Variants in SEL1L3 observed in about 807,000 individuals in gnomAD.
SEL1L3 encodes protein sel-1 homolog 3.
A neutral mutation model predicts 142.8 loss-of-function variants in SEL1L3; 76 were observed. The observed-to-expected ratio is 0.53, with a 90% CI of 0.44 to 0.64. The LOEUF is 0.64. Ranked by LOEUF, SEL1L3 falls within the 30% of genes least tolerant of loss-of-function variation. The probability of loss-of-function intolerance (pLI) is 0.00; values close to 1 mark genes in which losing one functional copy is unlikely to be tolerated. For synonymous variants in SEL1L3, 504 were observed against 519.6 expected, an observed-to-expected ratio of 0.97 and a Z score of 0.41; for missense variants, 1,262 against 1,381.7, an observed-to-expected ratio of 0.91 and a Z score of 1.37.
At chr4:25,760,099 T>C (rs568912471) in intron 20 of SEL1L3, 2 of 152,254 alleles carry the variant, frequency 1.3e-5, no homozygotes, top group African/African-American at 4.8e-5. Flanking sequence ...CCCTTAGGTG[T>C]AGTGTCTGTT....
intron 9 of SEL1L3, among the ~76,000 whole-genome samples, chr4:25,806,343 T>G (rs1324584287): frequency 3.4e-5 from 5 of 148,686 alleles, no homozygotes; most frequent in Non-Finnish European, 7.4e-5. Flanking sequence ...GGCAAAATGT[T>G]TTTTTTTTTA....
chr4:25,851,265 C>T (rs1331086453), intron 1 of SEL1L3, among the ~76,000 whole-genome samples: 1 of 152,166 alleles, frequency 6.6e-6, no homozygotes, highest in Non-Finnish European at 1.5e-5. Context: ...AACAATCAAT[C>T]ATTACAACAA....
At position 25,764,543 on chromosome 4, in the gene SEL1L3, C is replaced by G. The variant is rs1220880019; in HGVS notation, c.2955+783G>C. Among the ~76,000 whole-genome samples, 4 of 152,278 alleles carry G rather than the reference C, an allele frequency of 2.6e-5. No individual in the cohort carries two copies. The East Asian group carries it at 7.7e-4, about 29-fold the overall frequency. On this transcript the variant is annotated intron_variant, in intron 20 of 23. Transcript: ENST00000399878. The stretch of plus-strand genomic sequence containing the variant: ...AATAAGAAGTTTCCAAAAAAAATCA[C>G]TGAGGGAAAAACTCTGTCGCTTAAG...
At chr4:25,753,984 CATAAATAAATAAATAA>C (rs35245204) in intron 23 of SEL1L3, among the ~76,000 whole-genome samples, 38 of 143,426 alleles carry the variant, frequency 2.6e-4, no homozygotes, top group Non-Finnish European at 1.2e-4. Context: ...TCCGTCTCAA[CATAAATAAATAAATAA>C]ATAAATAAAT....
At chr4:25,825,823 C>T (rs374870431) in intron 6 of SEL1L3, among the ~76,000 whole-genome samples, 93 of 151,808 alleles carry the variant, frequency 6.1e-4, no homozygotes, top group African/African-American at 1.9e-3. Flanking sequence ...TACAGGCATG[C>T]GCCACCACGC....
chr4:25,856,376 A>G (rs1464948401), intron 1 of SEL1L3, among the ~76,000 whole-genome samples: 1 of 152,144 alleles, frequency 6.6e-6, no homozygotes, highest in African/African-American at 2.4e-5. Context: ...GTGCCCCTCA[A>G]ATTATGTGGT....
chr4:25,846,858 G>A (rs763976459), intron 2 of SEL1L3, among the ~76,000 whole-genome samples: 27 of 137,152 alleles, frequency 2.0e-4, no homozygotes, highest in Non-Finnish European at 3.8e-4. Context: ...GCAGTGAGCC[G>A]AGTGAGATCT....
rs200891515 is a variant in SEL1L3, at chr4:25,788,360, C to T, written c.2081G>A (p.Arg694Gln). 1.9e-4 allele frequency: 299 copies of T among 1,613,624 alleles called. No individual in the cohort carries two copies. Among genetic ancestry groups the T allele is most frequent in the Non-Finnish European group, 2.3e-4 (277 of 1,179,834 alleles). Residue 694 changes from arginine (R) to glutamine (Q), a missense_variant, in exon 13 of 24, where the codon CGA becomes CAA. Coordinates refer to ENST00000399878, the MANE Select transcript of SEL1L3 (RefSeq NM_015187.5). This position sits in a 1 kb window ranked among gnomAD's most constrained non-coding sequence, Gnocchi z 5.3. ...ATRGNAAAQQ[R>Q]LAQMLFWGQQ... is the part of the protein sequence containing the mutation. The stretch of plus-strand genomic sequence containing the variant: ...CCCCCAGAACAGCATCTGGGCCAAT[C>T]GTTGCTTAAAGATAATAGCAATTTA...
chr4:25,863,396 C>A, upstream of SEL1L3: 1 of 695,840 alleles, frequency 1.4e-6, no homozygotes. Flanking sequence ...CCCTTCCCAT[C>A]CTCTTCCTCG....
At chr4:25,784,389 C>G in intron 13 of SEL1L3, 99 bp from the exon 14 acceptor site, 1 of 937,304 alleles carries the variant, frequency 1.1e-6, no homozygotes, top group Non-Finnish European at 1.7e-6. Flanking sequence ...AAAAATAAAA[C>G]CCTAACTTTC....
At chr4:25,737,971 C>T in the SEL1L3 span, among the ~76,000 whole-genome samples, 1 of 152,018 alleles carries the variant, frequency 6.6e-6, no homozygotes, top group Non-Finnish European at 1.5e-5. Flanking sequence ...CTGACTGTAG[C>T]CTCCCTCTCC....
At chr4:25,714,732 G>A in the SEL1L3 span, among the ~76,000 whole-genome samples, 2 of 151,390 alleles carry the variant, frequency 1.3e-5, no homozygotes, top group African/African-American at 2.4e-5. Context: ...CACCATGCCC[G>A]GCTAATTTTT....
chr4:25,862,464 G>C (rs2109335044), intron 1 of SEL1L3, among the ~76,000 whole-genome samples: 1 of 152,298 alleles, frequency 6.6e-6, no homozygotes, highest in South Asian at 2.1e-4. Context: ...GCACGAGCGA[G>C]AGAGCAGCTT....
rs1345915093 is a variant in SEL1L3 at position 25,788,741 on chromosome 4, C to T, written c.2077-377G>A. Among the ~76,000 whole-genome samples the T allele has an allele frequency of 6.6e-6, 1 of 152,136 alleles. No homozygotes were observed. The highest frequency in any genetic ancestry group is 1.9e-4 in the East Asian group (1 of 5,192). On this transcript the variant is annotated intron_variant, in intron 12 of 23. Transcript: ENST00000399878. The surrounding 1 kb of genome is among the most constrained non-coding windows in gnomAD (Gnocchi z 5.3). Reference sequence around the variant, plus strand: ...GGCCCAGCGATTGGCATGGAGGTCTCTGCACATCTGTATCATTAGGGCATC... The same window carrying T: ...GGCCCAGCGATTGGCATGGAGGTCTTTGCACATCTGTATCATTAGGGCATC...
intron 17 of SEL1L3, among the ~76,000 whole-genome samples, chr4:25,772,350 A>C (rs1719284095): frequency 6.6e-6 from 1 of 152,072 alleles, no homozygotes; most frequent in African/African-American, 2.4e-5. Flanking sequence ...AGATTAGCAA[A>C]GATATGGAGA....
Position 25,862,873 on chromosome 4 carries a change from C to T in SEL1L3, c.-37G>A. ...CCGGATCCGGGCCGGAACAGGTCAC[C>T]TGGTGCAGGGACCGGCCCCCGCCCG... On this transcript the variant is annotated 5_prime_UTR_variant, in exon 1 of 24. Transcript: ENST00000399878. The T allele has an allele frequency of 9.3e-7, 1 of 1,073,154 alleles. No homozygotes were observed. The highest frequency in any genetic ancestry group is 6.6e-5 in the East Asian group (1 of 15,250). 66.5% of individuals were successfully genotyped at this position (1,073,154 alleles called of 1,614,324 possible).
At chr4:25,862,577 G>A (rs1717799174) in intron 1 of SEL1L3, 98 bp downstream of exon 1, 2 of 550,754 alleles carry the variant, frequency 3.6e-6, no homozygotes, top group Admixed American at 4.8e-5. Context: ...ACTAGCAGCG[G>A]CGTCCCCGCC....
At chr4:25,797,134 G>A (rs1157181066) in intron 11 of SEL1L3, among the ~76,000 whole-genome samples, 3 of 149,740 alleles carry the variant, frequency 2.0e-5, no homozygotes, top group Non-Finnish European at 4.4e-5. Context: ...AGGGAGAGAG[G>A]AAGGGGAGCA....
At chr4:25,769,753 C>T (rs1373513827) in intron 17 of SEL1L3, among the ~76,000 whole-genome samples, 1 of 152,130 alleles carries the variant, frequency 6.6e-6, no homozygotes, top group Non-Finnish European at 1.5e-5. Flanking sequence ...ACCTGCAAAC[C>T]AAGGTCAAAT....
Sources: allele counts gnomAD v4.1 joint callset (sites outside exome capture counted in the v4.1 genomes callset), GRCh38; gene constraint gnomAD v4.1.1; non-coding constraint Gnocchi (gnomAD v3.1); transcripts MANE v1.5; gene names NCBI Gene and HGNC (gene_info 2026-07-23, HGNC 2026-07-21).